TRPC4: variants seen among roughly 807,000 people sequenced by gnomAD.
TRPC4 encodes short transient receptor potential channel 4.
Under a neutral mutation model 99.4 loss-of-function variants are expected in TRPC4, and 49 were observed. The observed-to-expected ratio is 0.49, with a 90% CI of 0.39 to 0.63. The LOEUF is 0.63. Among genes scored for constraint, TRPC4 ranks in the 20% least tolerant of loss-of-function variants. The probability of loss-of-function intolerance (pLI) is 0.00; values close to 1 mark genes in which losing one functional copy is unlikely to be tolerated. For synonymous variants in TRPC4, 454 were observed against 425.9 expected, an observed-to-expected ratio of 1.07 and a Z score of -0.81; for missense variants, 898 against 1,152.9, an observed-to-expected ratio of 0.78 and a Z score of 3.20.
intron 1 of TRPC4, among the ~76,000 whole-genome samples, chr13:37,828,592 A>G (rs942737742): frequency 7.2e-5 from 11 of 152,356 alleles, no homozygotes; most frequent in African/African-American, 2.4e-4. Context: ...CAAATGCCCA[A>G]TAATGATAGA....
At chr13:37,768,672 G>GAACACACACACACACA (rs1491017622) in intron 2 of TRPC4, among the ~76,000 whole-genome samples, 1 of 136,804 alleles carries the variant, frequency 7.3e-6, no homozygotes, top group South Asian at 2.2e-4. Flanking sequence ...GAACACACAC[G>GAACACACACACACACA]CACACACACA....
intron 3 of TRPC4, among the ~76,000 whole-genome samples, chr13:37,695,498 G>T (rs1185712265): frequency 6.6e-6 from 1 of 152,074 alleles, no homozygotes; most frequent in East Asian, 1.9e-4. Context: ...ACCATTCCAG[G>T]ACTGGGAGAA....
chr13:37,755,540 C>A lies in TRPC4; in HGVS notation c.379-9085G>T, dbSNP rs1440275737. Among the ~76,000 whole-genome samples, 3 of 151,936 alleles carry A rather than the reference C, an allele frequency of 2.0e-5. No individual in the cohort carries two copies. In the East Asian group the frequency reaches 5.8e-4, roughly 30 times the overall value. Reference sequence around the variant, plus strand: ...CACCTCCCCTCAGCCTCCCAAGTAGCCGGACTACAAGCATAGCACCACCAC... The same window carrying A: ...CACCTCCCCTCAGCCTCCCAAGTAGACGGACTACAAGCATAGCACCACCAC... On this transcript the variant is annotated intron_variant, in intron 2 of 10. Transcript: ENST00000379705.
At chr13:37,816,101 A>C (rs1957846410) in intron 1 of TRPC4, among the ~76,000 whole-genome samples, 1 of 150,836 alleles carries the variant, frequency 6.6e-6, no homozygotes, top group Non-Finnish European at 1.5e-5. Context: ...GACACAGATA[A>C]AACACTGTTA....
chr13:37,641,846 A>T (rs1365627817), intron 8 of TRPC4, among the ~76,000 whole-genome samples: 1 of 152,234 alleles, frequency 6.6e-6, no homozygotes, highest in East Asian at 1.9e-4. Context: ...ATGAGCTAAG[A>T]GATTTATGGC....
intron 1 of TRPC4, among the ~76,000 whole-genome samples, chr13:37,789,231 A>G (rs1050998262): frequency 6.6e-6 from 1 of 152,114 alleles, no homozygotes; most frequent in African/African-American, 2.4e-5. Flanking sequence ...ACACTGCCCA[A>G]AATACCAAAC....
chr13:37,742,518 T>C (rs1955623124), intron 3 of TRPC4, among the ~76,000 whole-genome samples: 1 of 152,036 alleles, frequency 6.6e-6, no homozygotes, highest in Non-Finnish European at 1.5e-5. Flanking sequence ...AATAACACAA[T>C]GCAATATAGG....
intron 2 of TRPC4, among the ~76,000 whole-genome samples, chr13:37,781,228 A>C (rs1593726854): frequency 6.6e-6 from 1 of 152,150 alleles, no homozygotes; most frequent in Non-Finnish European, 1.5e-5. Context: ...CTTTAGTAAT[A>C]AACATCAAAA....
chr13:37,805,576 C>A (rs1957510343), intron 1 of TRPC4, among the ~76,000 whole-genome samples: 1 of 152,026 alleles, frequency 6.6e-6, no homozygotes, highest in African/African-American at 2.4e-5. Flanking sequence ...GGACTCTTCT[C>A]TTGATGTTAT....
At chr13:37,804,946 A>G (rs532550737) in intron 1 of TRPC4, among the ~76,000 whole-genome samples, 97 of 152,142 alleles carry the variant, frequency 6.4e-4, no homozygotes, top group African/African-American at 2.2e-3. Flanking sequence ...ATGAGAAGTT[A>G]ATTATATCTA....
chr13:37,716,172 T>C (rs1435479225), intron 3 of TRPC4, among the ~76,000 whole-genome samples: 2 of 152,184 alleles, frequency 1.3e-5, no homozygotes, highest in African/African-American at 4.8e-5. Flanking sequence ...TATCTTAATT[T>C]GTTATGTGTT....
chr13:37,710,650 AC>A (rs1442620707), intron 3 of TRPC4, among the ~76,000 whole-genome samples: 1 of 151,970 alleles, frequency 6.6e-6, no homozygotes, highest in Non-Finnish European at 1.5e-5. Flanking sequence ...ATTACTAAAT[AC>A]ATACTTTCTA....
chr13:37,756,798 G>A (rs994120538), intron 2 of TRPC4, among the ~76,000 whole-genome samples: 1 of 151,962 alleles, frequency 6.6e-6, no homozygotes, highest in African/African-American at 2.4e-5. Context: ...GCCTCCCAAA[G>A]TGCTGGGATT....
Position 37,635,314 on chromosome 13 carries a change from G to T in TRPC4, c.*1589C>A, listed in dbSNP as rs566290722. ...ACACATCACAGCTCCATCATGAGCT[G>T]TATTACCTTAGCCAGTTAGTGCTGG... On this transcript the variant is annotated 3_prime_UTR_variant, in exon 11 of 11. Transcript: ENST00000379705. Among the ~76,000 whole-genome samples the T allele has an allele frequency of 7.2e-5, 11 of 152,242 alleles. No homozygotes were observed. Among genetic ancestry groups the T allele is most frequent in the Middle Eastern group, 3.4e-3 (1 of 294 alleles).
At chr13:37,787,426 C>T (rs539258132) in intron 1 of TRPC4, among the ~76,000 whole-genome samples, 2 of 152,018 alleles carry the variant, frequency 1.3e-5, no homozygotes, top group African/African-American at 2.4e-5. Context: ...TGATATTGTT[C>T]TAATATATTA....
intron 6 of TRPC4, among the ~76,000 whole-genome samples, chr13:37,663,030 G>A (rs1252187903): frequency 1.3e-5 from 2 of 152,106 alleles, no homozygotes; most frequent in African/African-American, 4.8e-5. Context: ...AACACATGAG[G>A]AAATATTGAA....
At chr13:37,787,963 C>A (rs549875241) in intron 1 of TRPC4, among the ~76,000 whole-genome samples, 1 of 151,924 alleles carries the variant, frequency 6.6e-6, no homozygotes, top group Non-Finnish European at 1.5e-5. Flanking sequence ...ACACACATAT[C>A]GAGGGGAATG....
At chr13:37,759,755 A>T (rs1211040872) in intron 2 of TRPC4, among the ~76,000 whole-genome samples, 1 of 151,992 alleles carries the variant, frequency 6.6e-6, no homozygotes, top group African/African-American at 2.4e-5. Flanking sequence ...AGCTAGAGGG[A>T]TAAAATTATT....
chr13:37,748,474 C>A (rs1191819936), intron 2 of TRPC4, among the ~76,000 whole-genome samples: 1 of 151,666 alleles, frequency 6.6e-6, no homozygotes, highest in African/African-American at 2.4e-5. Context: ...GAATGGCATA[C>A]ATTTTTTTTC....
Sources: gnomAD v4.1 joint callset for allele counts (sites outside exome capture counted in the v4.1 genomes callset) on GRCh38, gnomAD v4.1.1 for gene constraint, MANE v1.5 for transcripts, NCBI Gene and HGNC (gene_info 2026-07-23, HGNC 2026-07-21) for gene names.